PTPN2: variants seen among roughly 807,000 people sequenced by gnomAD.
PTPN2 encodes protein tyrosine phosphatase non-receptor type 2.
In PTPN2, 19 loss-of-function variants were observed where a neutral mutation model predicts 57.3. That is an observed-to-expected ratio of 0.33 (90% CI 0.23 to 0.49). The LOEUF (loss-of-function observed/expected upper bound fraction) is 0.49. Ranked by LOEUF, PTPN2 falls within the 20% of genes least tolerant of loss-of-function variation. PTPN2 has a pLI of 0.99. For synonymous variants in PTPN2, 153 were observed against 164.9 expected (o/e 0.93, Z 0.55); for missense variants, 358 against 501.1 (o/e 0.71, Z 2.73).
chr18:12,836,328 G>A lies in PTPN2; in HGVS notation c.261+463C>T, dbSNP rs183450806. Among the ~76,000 whole-genome samples the A allele has an allele frequency of 5.4e-3, 824 of 152,302 alleles. 3 individuals carry two copies. The highest frequency in any genetic ancestry group is 8.6e-3 in the Non-Finnish European group (588 of 68,026). ...TTGTGGCTGGGCCTCTGGAGCACCT[G>A]GTCTCAGCACCCGCTCAGGTCCTTG... On this transcript the variant is annotated intron_variant, in intron 3 of 8. Coordinates refer to ENST00000309660, the MANE Select transcript of PTPN2 (RefSeq NM_002828.4).
chr18:12,833,878 C>G (rs2042756500), intron 3 of PTPN2, among the ~76,000 whole-genome samples: 1 of 152,150 alleles, frequency 6.6e-6, no homozygotes, highest in Non-Finnish European at 1.5e-5. Context: ...AGAGAACATG[C>G]AGACTTTGAA....
chr18:12,818,246 A>G (rs1471483040), intron 5 of PTPN2, among the ~76,000 whole-genome samples: 1 of 152,162 alleles, frequency 6.6e-6, no homozygotes, highest in Non-Finnish European at 1.5e-5. Context: ...TCCCGTTCAC[A>G]TGATTATCTT....
chr18:12,836,655 C>A (rs1279915162), intron 3 of PTPN2, 136 bp downstream of exon 3: 1 of 600,774 alleles, frequency 1.7e-6, no homozygotes, highest in African/African-American at 1.9e-5. Context: ...GTCCATAATT[C>A]ATTACATCGT....
chr18:12,826,239 C>T (rs185138774), intron 4 of PTPN2, among the ~76,000 whole-genome samples: 19 of 152,214 alleles, frequency 1.2e-4, no homozygotes, highest in South Asian at 6.2e-4. Flanking sequence ...CCTGTCTCTA[C>T]TAAAAATACA....
intron 2 of PTPN2, among the ~76,000 whole-genome samples, chr18:12,853,144 T>C (rs552439104): frequency 5.3e-5 from 8 of 152,190 alleles, no homozygotes; most frequent in Non-Finnish European, 1.0e-4. Flanking sequence ...GTACTATGTA[T>C]AGAAATGCAT....
chr18:12,814,580 G>A (rs1598769533), intron 6 of PTPN2, among the ~76,000 whole-genome samples: 1 of 152,222 alleles, frequency 6.6e-6, no homozygotes, highest in South Asian at 2.1e-4. Flanking sequence ...TGATTCTTTA[G>A]CTGATTCACA....
At chr18:12,849,947 T>C (rs1598846003) in intron 2 of PTPN2, among the ~76,000 whole-genome samples, 1 of 152,168 alleles carries the variant, frequency 6.6e-6, no homozygotes, top group East Asian at 1.9e-4. Flanking sequence ...CCTGTATTTA[T>C]GTGCCCACTC....
chr18:12,841,841 CT>C (rs1272839675), intron 2 of PTPN2, among the ~76,000 whole-genome samples: 1 of 151,878 alleles, frequency 6.6e-6, no homozygotes, highest in African/African-American at 2.4e-5. Context: ...CATTTTTCCT[CT>C]TTGGTAGCTT....
intron 2 of PTPN2, among the ~76,000 whole-genome samples, chr18:12,856,879 G>A (rs9948891): frequency 3.8e-4 from 57 of 151,830 alleles, no homozygotes; most frequent in African/African-American, 1.4e-3. Flanking sequence ...GGCCAACATG[G>A]TGCAACTCCA....
At chr18:12,875,112 T>C (rs201248460) in intron 1 of PTPN2, among the ~76,000 whole-genome samples, 1 of 152,048 alleles carries the variant, frequency 6.6e-6, no homozygotes, top group Non-Finnish European at 1.5e-5. Flanking sequence ...GAAGGCAGCA[T>C]GCTCGTTAAC....
intron 2 of PTPN2, among the ~76,000 whole-genome samples, chr18:12,856,681 A>G (rs113071108): frequency 7.9e-4 from 121 of 152,358 alleles, no homozygotes; most frequent in African/African-American, 1.8e-3. Flanking sequence ...GAGAAAAATC[A>G]TAAGTTTTAT....
At chr18:12,834,069 G>A (rs1039629787) in intron 3 of PTPN2, among the ~76,000 whole-genome samples, 1 of 152,150 alleles carries the variant, frequency 6.6e-6, no homozygotes, top group East Asian at 1.9e-4. Context: ...GCTCACCCCT[G>A]TAATCCCAGC....
intron 1 of PTPN2, among the ~76,000 whole-genome samples, chr18:12,870,214 A>C (rs1457149831): frequency 6.9e-6 from 1 of 145,958 alleles, no homozygotes; most frequent in Admixed American, 7.0e-5. Flanking sequence ...TTTATACTGC[A>C]GTTAGGTAGC....
chr18:12,882,442 TTAA>T (rs2044694754), intron 1 of PTPN2, among the ~76,000 whole-genome samples: 1 of 152,250 alleles, frequency 6.6e-6, no homozygotes, highest in African/African-American at 2.4e-5. Flanking sequence ...TTCAAGGATA[TTAA>T]TGATACCAAA....
intron 1 of PTPN2, among the ~76,000 whole-genome samples, chr18:12,868,213 ATTACAC>A (rs1284820830): frequency 6.6e-6 from 1 of 152,114 alleles, no homozygotes; most frequent in Non-Finnish European, 1.5e-5. Flanking sequence ...GTCCTGGGAA[ATTACAC>A]TTATTTGTCA....
chr18:12,812,188 T>A (rs1349076661), intron 7 of PTPN2, among the ~76,000 whole-genome samples: 1 of 152,238 alleles, frequency 6.6e-6, no homozygotes, highest in Non-Finnish European at 1.5e-5. Flanking sequence ...CCTGACCTTG[T>A]GCTGAAAGGC....
intron 5 of PTPN2, among the ~76,000 whole-genome samples, chr18:12,822,127 CTAAG>C (rs2145336973): frequency 6.6e-6 from 1 of 152,070 alleles, no homozygotes; most frequent in Non-Finnish European, 1.5e-5. Flanking sequence ...TAGGAGAGAC[CTAAG>C]TAAGAAGTGG....
chr18:12,811,528 CACAAACCCA>C (rs751787250), intron 7 of PTPN2, among the ~76,000 whole-genome samples: 75 of 152,158 alleles, frequency 4.9e-4, no homozygotes, highest in Non-Finnish European at 9.0e-4. Context: ...AAAAAAACCC[CACAAACCCA>C]ACAATGTCAT....
At chr18:12,789,880 A>G (rs1941078), downstream of PTPN2, among the ~76,000 whole-genome samples, 124,283 of 144,838 alleles carry the variant, frequency 0.86, 52,005 homozygotes, top group East Asian at 0.99. Flanking sequence ...GTGTGTGTGT[A>G]TATATATATG....
Sources: gnomAD v4.1 joint callset for allele counts (sites outside exome capture counted in the v4.1 genomes callset) on GRCh38, gnomAD v4.1.1 for gene constraint, MANE v1.5 for transcripts, NCBI Gene and HGNC (gene_info 2026-07-23, HGNC 2026-07-21) for gene names.